OR56A3: variants seen among roughly 807,000 people sequenced by gnomAD.
OR56A3 encodes the protein olfactory receptor family 56 subfamily A member 3, also known as olfactory receptor 56A3.
Under a neutral mutation model 17.5 loss-of-function variants are expected in OR56A3, and 23 were observed. The observed-to-expected ratio is 1.32, with a 90% CI of 0.95 to 1.87. OR56A3 has a LOEUF of 1.87. Ranked by LOEUF, OR56A3 falls within the 40% of genes most tolerant of loss-of-function variation. The pLI is 0.00. For missense variants in OR56A3, 366 were observed against 380.1 expected, an observed-to-expected ratio of 0.96 and a Z score of 0.31; for synonymous variants, 175 against 150.6, an observed-to-expected ratio of 1.16 and a Z score of -1.19.
At chr11:5,967,638 A>C in the OR56A3 span, 4 of 1,613,952 alleles carry the variant, frequency 2.5e-6, no homozygotes, top group Non-Finnish European at 3.4e-6. Flanking sequence ...AGCTGGGGGA[A>C]TAAGGTGGTG....
the OR56A3 span, chr11:5,967,402 G>A: frequency 3.8e-5 from 23 of 599,702 alleles, no homozygotes; most frequent in East Asian, 2.0e-4. Context: ...AGGATCCAAC[G>A]AGTAGATATC....
At chr11:5,979,908 A>G in the OR56A3 span, among the ~76,000 whole-genome samples, 4 of 152,130 alleles carry the variant, frequency 2.6e-5, no homozygotes, top group Admixed American at 1.3e-4. Context: ...TTAGTTTCAA[A>G]CAATGTATTG....
the OR56A3 span, chr11:6,001,945 G>T: frequency 8.7e-7 from 1 of 1,143,450 alleles, no homozygotes; most frequent in Non-Finnish European, 1.2e-6. Flanking sequence ...CCGAACTCAG[G>T]CAGGATTTAA....
chr11:6,014,441 C>A, the OR56A3 span, among the ~76,000 whole-genome samples: 1 of 152,130 alleles, frequency 6.6e-6, no homozygotes, highest in Non-Finnish European at 1.5e-5. Flanking sequence ...GCACCTTCTC[C>A]CTCTTTCTTG....
chr11:5,968,507 C>T, the OR56A3 span: 1 of 1,531,610 alleles, frequency 6.5e-7, no homozygotes, highest in Non-Finnish European at 8.9e-7. Flanking sequence ...AATAAATCCT[C>T]AGCTGAGAAA....
At chr11:5,946,406 A>G (rs1212567251) in intron 2 of OR56A3, among the ~76,000 whole-genome samples, 2 of 152,246 alleles carry the variant, frequency 1.3e-5, no homozygotes, top group Non-Finnish European at 2.9e-5. Flanking sequence ...AGAGGGTTAA[A>G]TGATAAGGGA....
chr11:5,976,419 G>A, the OR56A3 span, among the ~76,000 whole-genome samples: 14 of 152,114 alleles, frequency 9.2e-5, no homozygotes, highest in Non-Finnish European at 1.3e-4. Context: ...TCCTTACGGT[G>A]TTTGGTGGCT....
the OR56A3 span, chr11:5,986,512 C>A: frequency 1.2e-6 from 2 of 1,613,770 alleles, no homozygotes; most frequent in Non-Finnish European, 1.7e-6. Flanking sequence ...GGCTACATAG[C>A]GATCCAGAGC....
chr11:6,013,945 G>A, the OR56A3 span, among the ~76,000 whole-genome samples: 13 of 152,140 alleles, frequency 8.5e-5, no homozygotes, highest in African/African-American at 3.1e-4. Context: ...CCAACACAAT[G>A]CATGCTACCC....
the OR56A3 span, among the ~76,000 whole-genome samples, chr11:5,969,294 T>A: frequency 6.6e-6 from 1 of 152,250 alleles, no homozygotes; most frequent in Non-Finnish European, 1.5e-5. Flanking sequence ...GGTTAATTCA[T>A]TCCTCTATCT....
the OR56A3 span, among the ~76,000 whole-genome samples, chr11:5,961,162 G>A: frequency 2.0e-5 from 3 of 151,230 alleles, no homozygotes; most frequent in East Asian, 6.0e-4. Flanking sequence ...CCACCGCCCA[G>A]TCTGGGAGGT....
At chr11:6,017,842 A>G in the OR56A3 span, among the ~76,000 whole-genome samples, 2 of 152,314 alleles carry the variant, frequency 1.3e-5, no homozygotes, top group Non-Finnish European at 2.9e-5. Context: ...TACAATAAAT[A>G]TAGACTGAAA....
At chr11:5,963,470 T>C in the OR56A3 span, among the ~76,000 whole-genome samples, 1 of 152,086 alleles carries the variant, frequency 6.6e-6, no homozygotes, top group Non-Finnish European at 1.5e-5. Flanking sequence ...GCAGATTTTT[T>C]GGTGTTTTTT....
chr11:5,951,820 T>C (rs754234136), downstream of OR56A3, among the ~76,000 whole-genome samples: 8 of 152,130 alleles, frequency 5.3e-5, no homozygotes, highest in African/African-American at 9.7e-5. Context: ...ATATGCAAGG[T>C]CTCTTTATAT....
Position 5,944,502 on chromosome 11 carries a change from T to C in OR56A3, c.-313-304T>C, listed in dbSNP as rs192993854. On this transcript the variant is annotated intron_variant, in intron 1 of 2. Transcript: ENST00000641160. The stretch of plus-strand genomic sequence containing the variant: ...AACCTACAAAATATATAAAACAAAA[T>C]CCCAAATAACATAAACATGTATGCA... Among the ~76,000 whole-genome samples the C allele has an allele frequency of 5.3e-3, 805 of 152,134 alleles. 5 individuals are homozygous for C. The highest frequency in any genetic ancestry group is 0.021 in the South Asian group (100 of 4,816).
the OR56A3 span, among the ~76,000 whole-genome samples, chr11:5,966,048 A>G: frequency 3.3e-5 from 5 of 152,168 alleles, no homozygotes; most frequent in African/African-American, 1.2e-4. Context: ...AATCAAAACT[A>G]TTGTTTTGGT....
downstream of OR56A3, among the ~76,000 whole-genome samples, chr11:5,952,909 G>C (rs1476773296): frequency 2.6e-5 from 4 of 152,086 alleles, no homozygotes; most frequent in African/African-American, 9.7e-5. Flanking sequence ...GCAGTATTAG[G>C]TTTTGTGTTC....
At chr11:6,008,584 A>G in the OR56A3 span, among the ~76,000 whole-genome samples, 1 of 152,064 alleles carries the variant, frequency 6.6e-6, no homozygotes, top group East Asian at 1.9e-4. Flanking sequence ...GGCCGCTTCT[A>G]CTTGGGCAAT....
downstream of OR56A3, among the ~76,000 whole-genome samples, chr11:5,956,138 T>C (rs1847930942): frequency 6.6e-6 from 1 of 152,280 alleles, no homozygotes; most frequent in African/African-American, 2.4e-5. Context: ...AGCATTCTTA[T>C]GCATGATGTT....
Sources: gnomAD v4.1 joint callset for allele counts (sites outside exome capture counted in the v4.1 genomes callset) on GRCh38, gnomAD v4.1.1 for gene constraint, MANE v1.5 for transcripts, NCBI Gene and HGNC (gene_info 2026-07-23, HGNC 2026-07-21) for gene names.